The following FGFR2 variants were observed in gnomAD, a reference collection of about 807,000 sequenced individuals.
The protein encoded by FGFR2 is fibroblast growth factor receptor 2.
Under a neutral mutation model 95.9 loss-of-function variants are expected in FGFR2, and 19 were observed. The ratio of observed to expected loss-of-function variants is 0.20; its 90% confidence interval spans 0.14 to 0.29. The LOEUF (loss-of-function observed/expected upper bound fraction) is 0.29, where lower values mean the gene tolerates loss of function less well. FGFR2 is among the 10% of genes least tolerant of loss of function. The pLI, the probability that FGFR2 is intolerant of heterozygous loss-of-function variation, is 1.00. For synonymous variants in FGFR2, 392 were observed against 393.3 expected (o/e 1.00, Z 0.04); for missense variants, 707 against 1,056.9 (o/e 0.67, Z 4.59).
intron 13 of FGFR2, 24 bp downstream of exon 13, chr10:121,496,508 C>T (rs1846831933): frequency 6.2e-6 from 10 of 1,613,096 alleles, no homozygotes; most frequent in Non-Finnish European, 8.5e-6. Context: ...TTCCACCCAG[C>T]CAAGTAGAAT....
intron 4 of FGFR2, among the ~76,000 whole-genome samples, chr10:121,553,133 G>A (rs750052843): frequency 6.6e-5 from 10 of 152,300 alleles, no homozygotes; most frequent in South Asian, 4.1e-4. Flanking sequence ...TCTTTACAAG[G>A]CCATGCTGTA....
chr10:121,534,091 C>CTTTTTTTTTT (rs1022674124), intron 6 of FGFR2, among the ~76,000 whole-genome samples: 6 of 92,118 alleles, frequency 6.5e-5, no homozygotes, highest in African/African-American at 2.4e-4. Flanking sequence ...CCCAAAATGG[C>CTTTTTTTTTT]TTTTTTTTTT....
chr10:121,490,918 G>A (rs1240705684), intron 13 of FGFR2, among the ~76,000 whole-genome samples: 1 of 152,184 alleles, frequency 6.6e-6, no homozygotes, highest in Non-Finnish European at 1.5e-5. Context: ...GGCCAGGTTG[G>A]AAGCAGGAAA....
chr10:121,504,016 C>T lies in FGFR2; in HGVS notation c.1288-75G>A, dbSNP rs540846943. 12 of 1,563,712 alleles carry T rather than the reference C, an allele frequency of 7.7e-6. No individual in the cohort carries two copies. In the Admixed American group the frequency reaches 1.4e-4, roughly 18 times the overall value. On this transcript the variant is annotated intron_variant, in intron 9 of 17. Coordinates refer to ENST00000358487, the MANE Select transcript of FGFR2 (RefSeq NM_000141.5). ...AGGCTGGAAGTCAGCCAGAGCCCAG[C>T]CAGAGTATCGAATCTTAGAAAGGAA... is the stretch of plus-strand genomic sequence containing the variant.
chr10:121,480,228 G>A (rs909376616), intron 17 of FGFR2: 2 of 687,844 alleles, frequency 2.9e-6, no homozygotes, highest in African/African-American at 1.8e-5. Context: ...CAGCCCACCT[G>A]ACTTCCACGA....
intron 5 of FGFR2, among the ~76,000 whole-genome samples, chr10:121,542,194 C>G (rs764498204): frequency 1.3e-5 from 2 of 151,902 alleles, no homozygotes; most frequent in Non-Finnish European, 2.9e-5. Context: ...AAGAAAAAAG[C>G]AGACACATTT....
chr10:121,503,692 A>C (rs1396214812), intron 10 of FGFR2, 98 bp downstream of exon 10: 67 of 1,344,254 alleles, frequency 5.0e-5, no homozygotes, highest in Non-Finnish European at 9.6e-6. Context: ...TCACACCAAG[A>C]CCTTTGTGGC....
Position 121,479,797 on chromosome 10 carries a change from C to G in FGFR2, c.*60G>C, listed in dbSNP as rs886479146. The stretch of plus-strand genomic sequence containing the variant: ...ACAAGCTCTGGGAGGCATGGTCTCC[C>G]TGCTCAGTGTAGCTAGGTTCCCAGT... On this transcript the variant is annotated 3_prime_UTR_variant, in exon 18 of 18. Transcript: ENST00000358487. 3.1e-6 allele frequency: 5 copies of G among 1,613,838 alleles called. No individual in the cohort carries two copies. The Admixed American group carries it at 8.3e-5, about 27-fold the overall frequency.
chr10:121,479,960 C>G lies in FGFR2; in HGVS notation c.2363G>C (p.Ser788Thr), dbSNP rs2133683059. 6.2e-7 allele frequency: 1 copy of G among 1,614,142 alleles called. No individual in the cohort carries two copies. The highest frequency in any genetic ancestry group is 8.5e-7 in the Non-Finnish European group (1 of 1,180,022). ...QYSPSYPDTRSSCSSGDDSVF... is the reference protein window; with the variant it reads ...QYSPSYPDTRTSCSSGDDSVF... ...AGAATCATCTCCTGAAGAACAAGAA[C>G]TTCTTGTGTCAGGGTAACTAGGTGA... is the stretch of plus-strand genomic sequence containing the variant. The change falls in exon 18 of 18, where the codon AGT (serine) becomes ACT (threonine). Residue 788 changes from serine (S) to threonine (T), a missense_variant. This residue lies in a region of FGFR2 where 51 missense variants were observed against 50.2 expected (regional missense o/e 1.01). Coordinates refer to ENST00000358487, the MANE Select transcript of FGFR2 (RefSeq NM_000141.5).
intron 6 of FGFR2, among the ~76,000 whole-genome samples, chr10:121,525,624 G>GGAGAGAGAGAGAGAGAGA (rs3035990): frequency 4.0e-5 from 6 of 149,256 alleles, no homozygotes; most frequent in African/African-American, 1.2e-4. Context: ...CATTATTGAG[G>GGAGAGAGAGAGAGAGAGA]GAGAGAGAGA....
chr10:121,500,392 T>C (rs2133997799), intron 11 of FGFR2, among the ~76,000 whole-genome samples: 1 of 152,310 alleles, frequency 6.6e-6, no homozygotes, highest in East Asian at 1.9e-4. Flanking sequence ...AAGAGAAGGC[T>C]TTCTGCTCCC....
intron 2 of FGFR2, among the ~76,000 whole-genome samples, chr10:121,581,583 A>G (rs1860882682): frequency 6.6e-6 from 1 of 151,316 alleles, no homozygotes; most frequent in East Asian, 1.9e-4. Flanking sequence ...ACCAAAAAAA[A>G]AAAAAAAGAA....
At chr10:121,597,642 T>TCTGG (rs1183745231) in intron 1 of FGFR2, among the ~76,000 whole-genome samples, 1 of 152,222 alleles carries the variant, frequency 6.6e-6, no homozygotes, top group Non-Finnish European at 1.5e-5. Context: ...GCCCGTCTGC[T>TCTGG]CTGGGGTCGG....
At chr10:121,483,892 G>T in intron 16 of FGFR2, 89 bp from the exon 17 acceptor site, 1 of 945,510 alleles carries the variant, frequency 1.1e-6, no homozygotes, top group Non-Finnish European at 1.7e-6. Context: ...GGGACGTGGT[G>T]TAAATTAGGA....
chr10:121,519,873 A>T, intron 7 of FGFR2, 106 bp downstream of exon 7: 1 of 1,091,500 alleles, frequency 9.2e-7, no homozygotes, highest in Non-Finnish European at 1.4e-6. Flanking sequence ...CTAGTCAAAA[A>T]AGAGAATCAT....
At chr10:121,582,055 C>G (rs1014067495) in intron 2 of FGFR2, among the ~76,000 whole-genome samples, 9 of 152,212 alleles carry the variant, frequency 5.9e-5, no homozygotes, top group East Asian at 5.8e-4. Context: ...CCTCCGCCCC[C>G]CAAGTACCTG....
chr10:121,495,607 C>A (rs1309789575), intron 13 of FGFR2, among the ~76,000 whole-genome samples: 1 of 152,204 alleles, frequency 6.6e-6, no homozygotes, highest in Non-Finnish European at 1.5e-5. Context: ...CGAATCTCTG[C>A]ACTCTGAGTG....
At chr10:121,550,811 C>G (rs41302331) in intron 5 of FGFR2, among the ~76,000 whole-genome samples, 2,664 of 152,076 alleles carry the variant, frequency 0.018, 82 homozygotes, top group African/African-American at 0.06. Flanking sequence ...CACGCAAGTC[C>G]GGGGTAATAT....
chr10:121,594,521 A>G (rs1194768654), intron 1 of FGFR2, among the ~76,000 whole-genome samples: 1 of 152,196 alleles, frequency 6.6e-6, no homozygotes, highest in Non-Finnish European at 1.5e-5. Context: ...AGCAAAATCA[A>G]AAGAATCCCA....
Sources: allele counts gnomAD v4.1 joint callset (sites outside exome capture counted in the v4.1 genomes callset), GRCh38; gene constraint gnomAD v4.1.1; regional missense constraint gnomAD v4.1.1; transcripts MANE v1.5; gene names NCBI Gene and HGNC (gene_info 2026-07-23, HGNC 2026-07-21).